The following TXNRD2 variants were observed in gnomAD, a reference collection of about 807,000 sequenced individuals.
The protein encoded by TXNRD2 is thioredoxin reductase 2.
In TXNRD2, 67 loss-of-function variants were observed where a neutral mutation model predicts 70.8. That is an observed-to-expected ratio of 0.95 (90% confidence interval 0.78 to 1.16). The LOEUF (loss-of-function observed/expected upper bound fraction) is 1.16, where lower values mean the gene tolerates loss of function less well. TXNRD2 is among the 50% of genes most tolerant of loss of function. TXNRD2 has a pLI of 0.00. For missense variants in TXNRD2, 644 were observed against 719.9 expected, an observed-to-expected ratio of 0.89 and a Z score of 1.21; for synonymous variants, 301 against 295.8, an observed-to-expected ratio of 1.02 and a Z score of -0.18.
chr22:19,879,552 C>T (rs890702886), intron 14 of TXNRD2, among the ~76,000 whole-genome samples: 50 of 4,938 alleles, frequency 0.01, no homozygotes, highest in African/African-American at 0.039. Flanking sequence ...TGGTGGGGGG[C>T]GGGGGGCGGG....
chr22:19,918,867 G>A lies in TXNRD2; in HGVS notation c.367C>T (p.His123Tyr). ...YGWEVAQPVP[H>Y]DWRKMAEAVQ... ...ACGGCGCCAGATCCTTACCAGTCAT[G>A]CGGCACGGGCTGGGCCACCTCCCAG... Residue 123 changes from histidine to tyrosine, a missense_variant, in exon 4 of 18, where the codon CAT (histidine) becomes TAT (tyrosine). Around this residue, in one of 3 missense-constraint regions of TXNRD2, gnomAD observed 566 missense variants for 645.0 expected, o/e 0.88. Transcript: ENST00000400521. The A allele has an allele frequency of 2.5e-6, 4 of 1,608,338 alleles. No homozygotes were observed. The highest frequency in any genetic ancestry group is 3.4e-6 in the Non-Finnish European group (4 of 1,179,856).
At chr22:19,905,508 C>T (rs369227287) in intron 8 of TXNRD2, among the ~76,000 whole-genome samples, 12 of 152,294 alleles carry the variant, frequency 7.9e-5, no homozygotes, top group Admixed American at 6.5e-4. Context: ...ACCCAGAGCA[C>T]CGGGCCCCCT....
intron 2 of TXNRD2, among the ~76,000 whole-genome samples, chr22:19,921,503 C>G (rs955290044): frequency 6.6e-6 from 1 of 152,074 alleles, no homozygotes; most frequent in African/African-American, 2.4e-5. Context: ...TTACCCTCCC[C>G]CTGAAGCAAC....
intron 7 of TXNRD2, among the ~76,000 whole-genome samples, chr22:19,912,520 G>A (rs1940459477): frequency 6.6e-6 from 1 of 152,376 alleles, no homozygotes; most frequent in South Asian, 2.1e-4. Flanking sequence ...TGGTGCGGAT[G>A]CACGTGCAGC....
At chr22:19,895,677 AGAG>A (rs1939475174) in intron 10 of TXNRD2, 96 bp from the exon 11 acceptor site, 1 of 1,432,960 alleles carries the variant, frequency 7.0e-7, no homozygotes, top group African/African-American at 1.4e-5. Context: ...TGAAGGGCGG[AGAG>A]GGGTCTGTGC....
intron 8 of TXNRD2, among the ~76,000 whole-genome samples, chr22:19,906,481 G>C (rs966103414): frequency 6.6e-6 from 1 of 152,058 alleles, no homozygotes; most frequent in African/African-American, 2.4e-5. Context: ...CATTAGCTGG[G>C]CGTGGTGGCG....
chr22:19,889,637 A>C (rs1184284676), intron 11 of TXNRD2, among the ~76,000 whole-genome samples: 4 of 151,502 alleles, frequency 2.6e-5, no homozygotes, highest in Non-Finnish European at 5.9e-5. Context: ...AATTATTATT[A>C]TTATTATTAT....
At chr22:19,938,635 A>G (rs1941607204) in intron 1 of TXNRD2, among the ~76,000 whole-genome samples, 1 of 152,230 alleles carries the variant, frequency 6.6e-6, no homozygotes, top group Non-Finnish European at 1.5e-5. Flanking sequence ...CTGATGGTCA[A>G]AAGGGAACAA....
intron 2 of TXNRD2, among the ~76,000 whole-genome samples, chr22:19,921,232 T>C (rs572780998): frequency 1.7e-4 from 26 of 151,526 alleles, no homozygotes; most frequent in Middle Eastern, 3.4e-3. Context: ...CTGGGCAATA[T>C]AGCAAAACCC....
intron 1 of TXNRD2, among the ~76,000 whole-genome samples, chr22:19,935,657 C>T (rs1941512187): frequency 6.6e-6 from 1 of 152,220 alleles, no homozygotes; most frequent in African/African-American, 2.4e-5. Context: ...GATGTCACCC[C>T]CAGCAGCCCA....
At chr22:19,916,779 T>C (rs1311798945) in intron 5 of TXNRD2, among the ~76,000 whole-genome samples, 1 of 152,036 alleles carries the variant, frequency 6.6e-6, no homozygotes, top group Admixed American at 6.6e-5. Context: ...TAGTTCATTT[T>C]ATTTTTTGTA....
chr22:19,892,034 C>T (rs1939284523), intron 11 of TXNRD2, among the ~76,000 whole-genome samples: 1 of 152,306 alleles, frequency 6.6e-6, no homozygotes, highest in South Asian at 2.1e-4. Flanking sequence ...AGCACCTGGG[C>T]CCCTTCTGTG....
intron 7 of TXNRD2, 77 bp downstream of exon 7, chr22:19,915,137 G>A (rs1448223258): frequency 7.4e-6 from 10 of 1,349,694 alleles, no homozygotes; most frequent in Middle Eastern, 3.5e-4. Context: ...TGGGAAGCAC[G>A]TGTGTAAAAA....
At chr22:19,929,997 G>C (rs999365222) in intron 2 of TXNRD2, among the ~76,000 whole-genome samples, 1 of 152,222 alleles carries the variant, frequency 6.6e-6, no homozygotes, top group African/African-American at 2.4e-5. Flanking sequence ...CAGCATGGGA[G>C]TGAACGCACA....
At chr22:19,935,451 C>A (rs867387829) in intron 1 of TXNRD2, among the ~76,000 whole-genome samples, 5 of 152,162 alleles carry the variant, frequency 3.3e-5, no homozygotes, top group South Asian at 2.1e-4. Context: ...TGAACATAGA[C>A]CCTTATCAGG....
At chr22:19,884,303 G>A (rs1309659331) in intron 11 of TXNRD2, 2 of 152,336 alleles carry the variant, frequency 1.3e-5, no homozygotes, top group Non-Finnish European at 2.9e-5. Context: ...GGTGCCACCG[G>A]TGGAAACTGG....
intron 2 of TXNRD2, 98 bp from the exon 3 acceptor site, chr22:19,919,697 G>A (rs910250823): frequency 9.0e-7 from 1 of 1,107,352 alleles, no homozygotes; most frequent in Non-Finnish European, 1.3e-6. Flanking sequence ...AAGAGTGTGG[G>A]CAGGGCCTGG....
Position 19,886,588 on chromosome 22 carries a change from G to A in TXNRD2, c.950-3127C>T, listed in dbSNP as rs138058556. 4.2e-3 allele frequency among the ~76,000 whole-genome samples: 646 copies of A among 152,244 alleles called. 6 individuals carry two copies. The highest frequency in any genetic ancestry group is 0.015 in the African/African-American group (611 of 41,498). ...AAGCAGTTGTGCCTGGTCAGCTCCCGACCATTTCCCTCCTATGCCAGGATA... is the reference window on the plus strand; with the variant it reads ...AAGCAGTTGTGCCTGGTCAGCTCCCAACCATTTCCCTCCTATGCCAGGATA... On this transcript the variant is annotated intron_variant, in intron 11 of 17. Transcript: ENST00000400521.
chr22:19,919,699 AG>A, intron 2 of TXNRD2, 100 bp from the exon 3 acceptor site: 3 of 1,090,286 alleles, frequency 2.8e-6, no homozygotes, highest in Non-Finnish European at 3.9e-6. Context: ...GAGTGTGGGC[AG>A]GGCCTGGGCC....
Sources: allele counts gnomAD v4.1 joint callset (sites outside exome capture counted in the v4.1 genomes callset), GRCh38; gene constraint gnomAD v4.1.1; regional missense constraint gnomAD v4.1.1; transcripts MANE v1.5; gene names NCBI Gene and HGNC (gene_info 2026-07-23, HGNC 2026-07-21).